CELSR1: variants seen among roughly 807,000 people sequenced by gnomAD.
CELSR1 encodes adhesion G protein-coupled receptor C1.
Under a neutral mutation model 249.1 loss-of-function variants are expected in CELSR1, and 110 were observed. The observed-to-expected ratio is 0.44, with a 90% confidence interval of 0.38 to 0.52. The LOEUF (loss-of-function observed/expected upper bound fraction) is 0.52, where lower values mean the gene tolerates loss of function less well. Ranked by LOEUF, CELSR1 falls within the 20% of genes least tolerant of loss-of-function variation. The pLI, the probability that CELSR1 is intolerant of heterozygous loss-of-function variation, is 0.00. For synonymous variants in CELSR1, 2,113 were observed against 1,900.0 expected (o/e 1.11, Z -2.92); for missense variants, 4,109 against 4,296.4 (o/e 0.96, Z 1.22).
rs371545537 is a variant in CELSR1, at chr22:46,461,399, C to T, written c.4183+2308G>A. On this transcript the variant is annotated intron_variant, in intron 2 of 34. Coordinates refer to ENST00000674500, the MANE Select transcript of CELSR1 (RefSeq NM_001378328.1). ...GAGAAGCTCAGAAGGTGGGTTCCCC[C>T]CAATGGGTCAATCATCTTCAGAGGG... is the stretch of plus-strand genomic sequence containing the variant. Among the ~76,000 whole-genome samples, 6 of 152,192 alleles carry T rather than the reference C, an allele frequency of 3.9e-5. No homozygotes were observed. In the East Asian group the frequency reaches 1.2e-3, roughly 29 times the overall value.
intron 1 of CELSR1, among the ~76,000 whole-genome samples, chr22:46,485,531 T>G (rs2080304811): frequency 6.6e-6 from 1 of 152,158 alleles, no homozygotes; most frequent in African/African-American, 2.4e-5. Context: ...GTCTGGCTCA[T>G]TATGGAGGAT....
At chr22:46,507,483 G>A (rs967910888) in intron 1 of CELSR1, among the ~76,000 whole-genome samples, 8 of 151,980 alleles carry the variant, frequency 5.3e-5, no homozygotes, top group Admixed American at 2.0e-4. Flanking sequence ...CTCCCTCCCC[G>A]GCCTCTGTGT....
chr22:46,444,411 C>T (rs970210435), intron 2 of CELSR1, among the ~76,000 whole-genome samples: 1 of 152,190 alleles, frequency 6.6e-6, no homozygotes, highest in Non-Finnish European at 1.5e-5. Context: ...GCTTGTCCTG[C>T]CCCCGAGGGG....
intron 5 of CELSR1, among the ~76,000 whole-genome samples, chr22:46,426,752 G>A (rs1442619643): frequency 2.0e-5 from 3 of 152,172 alleles, no homozygotes; most frequent in Non-Finnish European, 2.9e-5. Flanking sequence ...TGGGATAAGG[G>A]CCTCAATAAA....
Position 46,443,027 on chromosome 22 carries a change from G to C in CELSR1, c.4184-3616C>G, listed in dbSNP as rs142659387. On this transcript the variant is annotated intron_variant, in intron 2 of 34. Coordinates refer to ENST00000674500, the MANE Select transcript of CELSR1 (RefSeq NM_001378328.1). The stretch of plus-strand genomic sequence containing the variant: ...GCAGGAGAATGGCGTGAACGCGGGA[G>C]GCGGAGCTTGCAGTGAGCCGAGATC... Among the ~76,000 whole-genome samples, 1,357 of 152,286 alleles carry C rather than the reference G, an allele frequency of 8.9e-3. 12 individuals are homozygous for C. The highest frequency in any genetic ancestry group is 0.014 in the Non-Finnish European group (980 of 68,014).
At chr22:46,507,569 T>C (rs1487200048) in intron 1 of CELSR1, among the ~76,000 whole-genome samples, 1 of 151,708 alleles carries the variant, frequency 6.6e-6, no homozygotes, top group Non-Finnish European at 1.5e-5. Flanking sequence ...AGCCCAACAC[T>C]CCTCCCCAAC....
chr22:46,372,566 A>T (rs1374062374), intron 25 of CELSR1, among the ~76,000 whole-genome samples: 1 of 144,414 alleles, frequency 6.9e-6, no homozygotes, highest in Non-Finnish European at 1.5e-5. Flanking sequence ...CTGCACACTC[A>T]TGCACTCACT....
intron 19 of CELSR1, among the ~76,000 whole-genome samples, chr22:46,385,764 G>A (rs184012480): frequency 0.03 from 4,459 of 147,392 alleles, 216 homozygotes; most frequent in African/African-American, 0.11. Flanking sequence ...TGCAAGCTCC[G>A]CTTCCCGGGT....
At chr22:46,405,724 G>C (rs2079259149) in intron 9 of CELSR1, among the ~76,000 whole-genome samples, 1 of 152,096 alleles carries the variant, frequency 6.6e-6, no homozygotes, top group Non-Finnish European at 1.5e-5. Flanking sequence ...AAATTGCTTG[G>C]GCTGTGGGAT....
Position 46,393,898 on chromosome 22 carries a change from G to C in CELSR1, c.5964+244C>G, listed in dbSNP as rs953573485. On this transcript the variant is annotated intron_variant, in intron 14 of 34. Transcript: ENST00000674500. The surrounding 1 kb of genome is among the most constrained non-coding windows in gnomAD (Gnocchi z 4.1). The stretch of plus-strand genomic sequence containing the variant: ...GATTCCTGTTCCACGGGCGGGGGCT[G>C]GCAGGGCTGAACCCGTAGTTTACAC... Among the ~76,000 whole-genome samples the C allele has an allele frequency of 2.0e-5, 3 of 152,228 alleles. No individual in the cohort carries two copies. Among genetic ancestry groups the C allele is most frequent in the African/African-American group, 4.8e-5 (2 of 41,462 alleles).
In CELSR1 at chr22:46,536,105, A is replaced by G. The variant is rs1452328381; in HGVS notation, c.1066T>C (p.Ser356Pro). Reference protein sequence around the residue: ...TNDHSPVFEQSEYRERVRENL... With the variant: ...TNDHSPVFEQPEYRERVRENL... ...TCCCGCACGCGCTCGCGGTACTCCG[A>G]CTGCTCGAAGACCGGGCTGTGGTCG... Residue 356 changes from serine to proline, a missense_variant, in exon 1 of 35, where the codon TCG (serine) becomes CCG (proline). Ser to Pro is a moderately conservative substitution (Grantham distance 74). Coordinates refer to ENST00000674500, the MANE Select transcript of CELSR1 (RefSeq NM_001378328.1). 1 of 1,612,362 alleles carries G rather than the reference A, an allele frequency of 6.2e-7. No individual in the cohort carries two copies. The highest frequency in any genetic ancestry group is 1.7e-5 in the Admixed American group (1 of 60,020).
intron 25 of CELSR1, chr22:46,370,135 G>C (rs533631819): frequency 2.1e-6 from 1 of 477,170 alleles, no homozygotes; most frequent in South Asian, 1.5e-5. Flanking sequence ...GGCAGACGGT[G>C]CTTGGGAGGA....
intron 2 of CELSR1, among the ~76,000 whole-genome samples, chr22:46,458,121 G>C (rs1824565384): frequency 6.6e-6 from 1 of 152,128 alleles, no homozygotes; most frequent in Non-Finnish European, 1.5e-5. Flanking sequence ...GAGGAGTGGG[G>C]ACAGGGAGGG....
chr22:46,419,885 G>A (rs1036228173), intron 5 of CELSR1, among the ~76,000 whole-genome samples: 1 of 150,088 alleles, frequency 6.7e-6, no homozygotes, highest in African/African-American at 2.5e-5. Flanking sequence ...TCCCACACGT[G>A]CCTTCTCACA....
chr22:46,497,775 T>C (rs895967796), intron 1 of CELSR1, among the ~76,000 whole-genome samples: 1 of 152,218 alleles, frequency 6.6e-6, no homozygotes, highest in Non-Finnish European at 1.5e-5. Flanking sequence ...ACAATGTTAT[T>C]CTCACCAGAT....
intron 2 of CELSR1, among the ~76,000 whole-genome samples, chr22:46,457,370 C>T (rs1360585504): frequency 6.6e-6 from 1 of 152,082 alleles, no homozygotes; most frequent in East Asian, 1.9e-4. Context: ...ATTATTCTCG[C>T]AGCCCCTGGG....
At chr22:46,377,417 G>A (rs1477902492) in intron 23 of CELSR1, 156 bp from the exon 24 acceptor site, 1 of 762,112 alleles carries the variant, frequency 1.3e-6, no homozygotes, top group Non-Finnish European at 2.1e-6. Context: ...ATGGCTCTGG[G>A]CCTGGAACTG....
chr22:46,533,453 G>A (rs2080812871), intron 1 of CELSR1, among the ~76,000 whole-genome samples, 174 bp downstream of exon 1: 1 of 152,196 alleles, frequency 6.6e-6, no homozygotes, highest in East Asian at 1.9e-4. Context: ...CCCCTCGCTG[G>A]GCCTAGGCCG....
In CELSR1 at chr22:46,528,816, C is replaced by G. The variant is rs553536311; in HGVS notation, c.3544+4811G>C. 4.6e-5 allele frequency among the ~76,000 whole-genome samples: 7 copies of G among 151,832 alleles called. No homozygotes were observed. The South Asian group carries it at 1.5e-3, about 32-fold the overall frequency. On this transcript the variant is annotated intron_variant, in intron 1 of 34. Transcript: ENST00000674500. ...TGGTGGCGGGCGCCTGTAGTCCCAG[C>G]TACTCGGGAGGCTGAGGCAGGAGAA... is the stretch of plus-strand genomic sequence containing the variant.
Sources: gnomAD v4.1 joint callset for allele counts (sites outside exome capture counted in the v4.1 genomes callset) on GRCh38, gnomAD v4.1.1 for gene constraint, Gnocchi (gnomAD v3.1) non-coding constraint, MANE v1.5 for transcripts, NCBI Gene and HGNC (gene_info 2026-07-23, HGNC 2026-07-21) for gene names.